The following ITSN1 variants were observed in gnomAD, a reference collection of about 807,000 sequenced individuals.
The protein encoded by ITSN1 is intersectin 1.
ITSN1 carries 58 observed loss-of-function variants against 239.8 expected under a neutral mutation model. The ratio of observed to expected loss-of-function variants is 0.24; its 90% CI spans 0.20 to 0.30. The LOEUF is 0.30. Among genes scored for constraint, ITSN1 ranks in the 10% least tolerant of loss-of-function variants. The pLI, the probability that ITSN1 is intolerant of heterozygous loss-of-function variation, is 1.00. For missense variants in ITSN1, 1,558 were observed against 2,103.3 expected (o/e 0.74, Z 5.07); for synonymous variants, 780 against 770.8 (o/e 1.01, Z -0.20).
intron 4 of ITSN1, among the ~76,000 whole-genome samples, chr21:33,734,033 T>C (rs1463753971): frequency 1.3e-5 from 2 of 152,326 alleles, no homozygotes; most frequent in African/African-American, 2.4e-5. Context: ...TGTCCGGATA[T>C]GGCTCAGTCT....
At chr21:33,768,921 C>A (rs2834260) in intron 11 of ITSN1, among the ~76,000 whole-genome samples, 29,850 of 152,128 alleles carry the variant, frequency 0.2, 4,336 homozygotes, top group African/African-American at 0.4. Flanking sequence ...CTTTCTAGAA[C>A]CTTTAAAATA....
chr21:33,885,613 G>A (rs544847763), intron 38 of ITSN1, 91 bp downstream of exon 38: 1 of 944,466 alleles, frequency 1.1e-6, no homozygotes, highest in South Asian at 1.3e-5. Flanking sequence ...GATCAAATGT[G>A]CTATTTCCAT....
intron 1 of ITSN1, among the ~76,000 whole-genome samples, chr21:33,668,113 G>A (rs887258443): frequency 6.6e-6 from 1 of 152,150 alleles, no homozygotes; most frequent in African/African-American, 2.4e-5. Context: ...GAGTCCTTTG[G>A]AGCAAGATGC....
intron 14 of ITSN1, among the ~76,000 whole-genome samples, chr21:33,778,754 A>G (rs1187554600): frequency 6.9e-6 from 1 of 144,826 alleles, no homozygotes; most frequent in South Asian, 2.1e-4. Flanking sequence ...AATTTTTTGT[A>G]TTTTTAGTAG....
intron 33 of ITSN1, 86 bp downstream of exon 33, chr21:33,867,417 A>G: frequency 1.3e-6 from 1 of 788,044 alleles, no homozygotes. Context: ...TTCCCAGTGA[A>G]CATATCTGGT....
chr21:33,723,144 A>G (rs563628922), intron 4 of ITSN1, among the ~76,000 whole-genome samples: 1 of 152,348 alleles, frequency 6.6e-6, no homozygotes, highest in South Asian at 2.1e-4. Flanking sequence ...AGCCACAGGA[A>G]ATACAGAGAG....
Position 33,774,840 on chromosome 21 carries a change from G to A in ITSN1, c.1417G>A (p.Ala473Thr), listed in dbSNP as rs748205911. 1.2e-6 allele frequency: 2 copies of A among 1,613,018 alleles called. No individual in the cohort carries two copies. The highest frequency in any genetic ancestry group is 1.7e-6 in the Non-Finnish European group (2 of 1,179,716). ...KEQEDIVVLK[A>T]KKKTLEFELE... ...ACAAGAGGACATAGTTGTACTGAAAGCAAAGAAAAAGACTTTGGAATTTGA... is the reference window on the plus strand; with the variant it reads ...ACAAGAGGACATAGTTGTACTGAAAACAAAGAAAAAGACTTTGGAATTTGA... The change falls in exon 13 of 40, where the codon GCA becomes ACA. Residue 473 changes from alanine to threonine, a missense_variant. By Grantham distance (58) the Ala-to-Thr change is moderately conservative. Around this residue, in one of 2 missense-constraint regions of ITSN1, gnomAD observed 982 missense variants for 1,209.9 expected, o/e 0.81. Coordinates refer to ENST00000381318, the MANE Select transcript of ITSN1 (RefSeq NM_003024.3).
chr21:33,769,195 A>G (rs1401176822), intron 11 of ITSN1, among the ~76,000 whole-genome samples: 1 of 152,214 alleles, frequency 6.6e-6, no homozygotes, highest in African/African-American at 2.4e-5. Flanking sequence ...GCAGATAAGG[A>G]CAGGAATGCT....
chr21:33,712,325 G>C lies in ITSN1; in HGVS notation c.-32-6472G>C, dbSNP rs548362459. On this transcript the variant is annotated intron_variant, in intron 1 of 39. Coordinates refer to ENST00000381318, the MANE Select transcript of ITSN1 (RefSeq NM_003024.3). Reference sequence around the variant, plus strand: ...TGTAATCCTCTGCAGAATGCTGTTTGTTTCAGTAGGTATCTAACTTGGTTA... The same window carrying C: ...TGTAATCCTCTGCAGAATGCTGTTTCTTTCAGTAGGTATCTAACTTGGTTA... Among the ~76,000 whole-genome samples, 8 of 152,238 alleles carry C rather than the reference G, an allele frequency of 5.3e-5. No homozygotes were observed. The East Asian group carries it at 1.5e-3, about 29-fold the overall frequency.
At chr21:33,746,036 G>T (rs527885511) in intron 5 of ITSN1, among the ~76,000 whole-genome samples, 1 of 152,162 alleles carries the variant, frequency 6.6e-6, no homozygotes, top group African/African-American at 2.4e-5. Flanking sequence ...CACAACTTCC[G>T]TCCCATCATT....
chr21:33,787,322 A>G (rs1204528748), intron 16 of ITSN1, among the ~76,000 whole-genome samples: 1 of 152,232 alleles, frequency 6.6e-6, no homozygotes. Flanking sequence ...CCAAATGTGT[A>G]TAGCATTTTA....
intron 24 of ITSN1, among the ~76,000 whole-genome samples, chr21:33,820,425 G>A (rs2073594612): frequency 6.6e-6 from 1 of 152,130 alleles, no homozygotes; most frequent in Non-Finnish European, 1.5e-5. Context: ...AATTCTTTAT[G>A]GGTTCCTTGA....
chr21:33,778,164 C>G (rs1378744976), intron 14 of ITSN1, among the ~76,000 whole-genome samples: 1 of 152,122 alleles, frequency 6.6e-6, no homozygotes, highest in African/African-American at 2.4e-5. Flanking sequence ...TAAAATATTT[C>G]ACTACATTCC....
At chr21:33,683,860 A>G (rs532864657) in intron 1 of ITSN1, among the ~76,000 whole-genome samples, 49 of 152,328 alleles carry the variant, frequency 3.2e-4, no homozygotes, top group African/African-American at 1.1e-3. Flanking sequence ...GTTGCTATCC[A>G]TTTTAGAAAT....
At chr21:33,834,026 A>G (rs2074457967) in intron 27 of ITSN1, among the ~76,000 whole-genome samples, 1 of 152,154 alleles carries the variant, frequency 6.6e-6, no homozygotes, top group African/African-American at 2.4e-5. Flanking sequence ...ACATGAGTAG[A>G]ATTTCCTGTC....
chr21:33,829,521 T>C, intron 26 of ITSN1, 103 bp from the exon 27 acceptor site: 1 of 1,233,406 alleles, frequency 8.1e-7, no homozygotes, highest in African/African-American at 1.5e-5. Flanking sequence ...ATACATTGGT[T>C]TTGATGTGTT....
chr21:33,785,146 C>T (rs2070553522), intron 16 of ITSN1, among the ~76,000 whole-genome samples: 1 of 152,196 alleles, frequency 6.6e-6, no homozygotes, highest in South Asian at 2.1e-4. Flanking sequence ...TAGGTTAGTA[C>T]TGTAACACTG....
chr21:33,837,746 C>T, intron 29 of ITSN1: 1 of 985,886 alleles, frequency 1.0e-6, no homozygotes, highest in Non-Finnish European at 1.2e-6. Context: ...TTATTTTGCA[C>T]AGTGACCTTG....
At chr21:33,749,503 A>G (rs34240356) in intron 5 of ITSN1, among the ~76,000 whole-genome samples, 16,142 of 151,994 alleles carry the variant, frequency 0.11, 1,148 homozygotes, top group Admixed American at 0.19. Context: ...ATAGCCGGGC[A>G]TGGTGGTGGG....
Sources: allele counts gnomAD v4.1 joint callset (sites outside exome capture counted in the v4.1 genomes callset), GRCh38; gene constraint gnomAD v4.1.1; regional missense constraint gnomAD v4.1.1; transcripts MANE v1.5; gene names NCBI Gene and HGNC (gene_info 2026-07-23, HGNC 2026-07-21).